The following KLHL6 variants were observed in gnomAD, a reference collection of about 807,000 sequenced individuals.
KLHL6 encodes the protein kelch like family member 6, also known as kelch-like protein 6.
A neutral mutation model predicts 58.6 loss-of-function variants in KLHL6; 41 were observed. That is an observed-to-expected ratio of 0.70 (90% CI 0.55 to 0.91). The LOEUF is 0.91. Ranked by LOEUF, KLHL6 falls within the 40% of genes least tolerant of loss-of-function variation. The pLI is 0.00. For missense variants in KLHL6, 714 were observed against 805.6 expected, an observed-to-expected ratio of 0.89 and a Z score of 1.38; for synonymous variants, 338 against 322.7, an observed-to-expected ratio of 1.05 and a Z score of -0.51.
At chr3:183,534,763 A>G (rs761049076) in intron 1 of KLHL6, among the ~76,000 whole-genome samples, 10 of 152,128 alleles carry the variant, frequency 6.6e-5, no homozygotes, top group Non-Finnish European at 1.2e-4. Context: ...TATCTTATTT[A>G]ACCCAAAATA....
At chr3:183,502,670 C>A (rs1430930593) in intron 3 of KLHL6, among the ~76,000 whole-genome samples, 2 of 152,182 alleles carry the variant, frequency 1.3e-5, no homozygotes, top group African/African-American at 4.8e-5. Context: ...TGCCTGCCAA[C>A]AGTACAGTAA....
intron 3 of KLHL6, among the ~76,000 whole-genome samples, chr3:183,503,568 T>C (rs934870566): frequency 2.6e-5 from 4 of 152,130 alleles, no homozygotes; most frequent in African/African-American, 9.6e-5. Context: ...TCACCTGAGG[T>C]TGGGAGTTTG....
chr3:183,519,895 C>CAAAAAAAAAAAAAAAAA (rs56101517), intron 2 of KLHL6, among the ~76,000 whole-genome samples: 1 of 83,256 alleles, frequency 1.2e-5, no homozygotes, highest in African/African-American at 5.3e-5. Context: ...AACCCTGTCT[C>CAAAAAAAAAAAAAAAAA]AAAAAAAAAA....
rs530721170 is a variant in KLHL6 at position 183,515,612 on chromosome 3, A to G, written c.460-7104T>C. On this transcript the variant is annotated intron_variant, in intron 2 of 6. Transcript: ENST00000341319. ...GAAATCCTACCTATTCATGAAGTTCATTCTTAAAAGCTACTTCTTCCTTGA... is the reference window on the plus strand; with the variant it reads ...GAAATCCTACCTATTCATGAAGTTCGTTCTTAAAAGCTACTTCTTCCTTGA... Among the ~76,000 whole-genome samples the G allele has an allele frequency of 3.2e-4, 48 of 152,220 alleles. 2 individuals carry two copies. The highest frequency in any genetic ancestry group is 6.2e-4 in the Non-Finnish European group (42 of 68,038).
intron 1 of KLHL6, chr3:183,544,929 A>C (rs985463253): frequency 2.6e-5 from 4 of 152,194 alleles, no homozygotes; most frequent in Non-Finnish European, 4.4e-5. Flanking sequence ...AGTCTTTCCC[A>C]GGGGTTTTTC....
intron 1 of KLHL6, among the ~76,000 whole-genome samples, chr3:183,551,847 G>T (rs1320221049): frequency 2.0e-5 from 3 of 151,988 alleles, no homozygotes; most frequent in East Asian, 1.9e-4. Context: ...ACTATTTAAC[G>T]CTTTGTTTAC....
chr3:183,504,238 C>T (rs1195281797), intron 3 of KLHL6, among the ~76,000 whole-genome samples: 2 of 152,168 alleles, frequency 1.3e-5, no homozygotes, highest in African/African-American at 4.8e-5. Context: ...GCTAAGCGTT[C>T]CATTCATTAC....
intron 1 of KLHL6, among the ~76,000 whole-genome samples, chr3:183,547,001 G>T (rs553148576): frequency 2.0e-5 from 3 of 148,572 alleles, no homozygotes; most frequent in East Asian, 4.0e-4. Flanking sequence ...AACCTCCGCC[G>T]TCCGGGTTCA....
At position 183,487,619 on chromosome 3, in the gene KLHL6, A is replaced by C. The variant is rs904393570; in HGVS notation, c.*4308T>G. On this transcript the variant is annotated 3_prime_UTR_variant, in exon 7 of 7. Transcript: ENST00000341319. ...GTTTGGTTTTTAAAACCTATAAACA[A>C]TATTCTTAGTTTGATCACTTAAAAC... 6.6e-6 allele frequency: 1 copy of C among 152,224 alleles called. No homozygotes were observed. Among genetic ancestry groups the C allele is most frequent in the African/African-American group, 2.4e-5 (1 of 41,462 alleles). 9.4% of individuals were successfully genotyped at this position (152,224 alleles called of 1,614,324 possible).
intron 1 of KLHL6, among the ~76,000 whole-genome samples, chr3:183,554,502 G>A (rs987778487): frequency 1.7e-4 from 26 of 152,264 alleles, no homozygotes; most frequent in Middle Eastern, 3.4e-3. Context: ...CAAGTCTCCT[G>A]ACTTCAGGCC....
intron 2 of KLHL6, among the ~76,000 whole-genome samples, chr3:183,525,269 A>AAAAAAAACACACAC (rs55871319): frequency 6.7e-5 from 9 of 133,794 alleles, no homozygotes; most frequent in African/African-American, 2.5e-4. Flanking sequence ...CTAAAAAAAA[A>AAAAAAAACACACAC]ACACACACAC....
chr3:183,504,118 C>G lies in KLHL6; in HGVS notation c.909+3941G>C, dbSNP rs369555443. Among the ~76,000 whole-genome samples the G allele has an allele frequency of 5.3e-5, 8 of 152,180 alleles. No homozygotes were observed. The East Asian group carries it at 7.7e-4, about 15-fold the overall frequency. On this transcript the variant is annotated intron_variant, in intron 3 of 6. Coordinates refer to ENST00000341319, the MANE Select transcript of KLHL6 (RefSeq NM_130446.4). Reference sequence around the variant, plus strand: ...ACACAGTGAAAAGACTGGTTTTAACCCCAGAGAAGGAAAATGATTGATTGT... The same window carrying G: ...ACACAGTGAAAAGACTGGTTTTAACGCCAGAGAAGGAAAATGATTGATTGT...
chr3:183,527,375 T>C (rs1712009103), intron 2 of KLHL6, among the ~76,000 whole-genome samples: 1 of 152,232 alleles, frequency 6.6e-6, no homozygotes, highest in Non-Finnish European at 1.5e-5. Context: ...TTATAGTCTT[T>C]ACTATTTAAA....
rs1418434908 is a variant in KLHL6, at chr3:183,549,186, A to C, written c.293+6175T>G. ...ATTTAAACAAATTTTAAAAAAGAGA[A>C]TAAGTGCCAAGAAAAACAAGAATGA... is the stretch of plus-strand genomic sequence containing the variant. On this transcript the variant is annotated intron_variant, in intron 1 of 6. Coordinates refer to ENST00000341319, the MANE Select transcript of KLHL6 (RefSeq NM_130446.4). Among the ~76,000 whole-genome samples, 8 of 152,208 alleles carry C rather than the reference A, an allele frequency of 5.3e-5. 1 individual carries two copies. Among genetic ancestry groups the C allele is most frequent in the African/African-American group, 1.9e-4 (8 of 41,442 alleles).
chr3:183,493,375 G>T (rs1717627006), intron 5 of KLHL6: 1 of 154,854 alleles, frequency 6.5e-6, no homozygotes, highest in South Asian at 2.0e-4. Context: ...TCTCAATATA[G>T]CACTTTTCAG....
intron 4 of KLHL6, among the ~76,000 whole-genome samples, chr3:183,496,334 A>AC (rs1553807277): frequency 6.6e-6 from 1 of 152,070 alleles, no homozygotes; most frequent in East Asian, 1.9e-4. Context: ...TAAATGACTA[A>AC]TAATAAAAAT....
chr3:183,507,662 T>G (rs1182577005), intron 3 of KLHL6, among the ~76,000 whole-genome samples: 1 of 152,134 alleles, frequency 6.6e-6, no homozygotes, highest in Non-Finnish European at 1.5e-5. Context: ...CTGGATCTCT[T>G]GACCTCGTGA....
chr3:183,515,865 G>A (rs1411360217), intron 2 of KLHL6, among the ~76,000 whole-genome samples: 1 of 152,182 alleles, frequency 6.6e-6, no homozygotes, highest in African/African-American at 2.4e-5. Context: ...CACTTAGTAT[G>A]CACCAAGATC....
Position 183,491,908 on chromosome 3 carries a change from C to G in KLHL6, c.*19G>C. 1 of 1,462,188 alleles carries G rather than the reference C, an allele frequency of 6.8e-7. No individual in the cohort carries two copies. Among genetic ancestry groups the G allele is most frequent in the Non-Finnish European group, 9.1e-7 (1 of 1,102,840 alleles). The allele number at this position is 1,462,188 out of a possible 1,614,324, so 90.6% of individuals were successfully genotyped here. On this transcript the variant is annotated 3_prime_UTR_variant, in exon 7 of 7. Transcript: ENST00000341319. ...GTACGCTGAGGGTCGGGGGGGCTCT[C>G]CAGCTCCCCATCCTGCCGTCAGACA...
Sources: allele counts gnomAD v4.1 joint callset (sites outside exome capture counted in the v4.1 genomes callset), GRCh38; gene constraint gnomAD v4.1.1; transcripts MANE v1.5; gene names NCBI Gene and HGNC (gene_info 2026-07-23, HGNC 2026-07-21).